MCU: variants seen among roughly 807,000 people sequenced by gnomAD.
The protein encoded by MCU is mitochondrial calcium uniporter.
Under a neutral mutation model 45.2 loss-of-function variants are expected in MCU, and 12 were observed. That is an observed-to-expected ratio of 0.27 (90% CI 0.17 to 0.43). The LOEUF is 0.43. Ranked by LOEUF, MCU falls within the 20% of genes least tolerant of loss-of-function variation. The pLI, the probability that MCU is intolerant of heterozygous loss-of-function variation, is 1.00. For missense variants in MCU, 324 were observed against 436.7 expected (o/e 0.74, Z 2.30); for synonymous variants, 160 against 165.1 (o/e 0.97, Z 0.24).
intron 1 of MCU, among the ~76,000 whole-genome samples, chr10:72,721,973 G>A (rs558907184): frequency 2.0e-5 from 3 of 152,116 alleles, no homozygotes; most frequent in Non-Finnish European, 4.4e-5. Context: ...TCCTTATGGG[G>A]AATGCAACAA....
rs374437412 is a variant in MCU at position 72,698,224 on chromosome 10, A to G, written c.150+5923A>G. On this transcript the variant is annotated intron_variant, in intron 1 of 7. Transcript: ENST00000373053. ...AATTCTTTTCTTTAACATGAAATCT[A>G]AATAGAAAATACAGCATCAAGAGTG... is the stretch of plus-strand genomic sequence containing the variant. Among the ~76,000 whole-genome samples, 10 of 152,354 alleles carry G rather than the reference A, an allele frequency of 6.6e-5. No individual in the cohort carries two copies. The East Asian group carries it at 1.9e-3, about 29-fold the overall frequency.
intron 3 of MCU, among the ~76,000 whole-genome samples, chr10:72,859,561 A>G (rs951400196): frequency 1.3e-5 from 2 of 152,208 alleles, no homozygotes; most frequent in African/African-American, 2.4e-5. Context: ...GCAAATGTGT[A>G]TGCACAGGGA....
At chr10:72,857,475 T>G (rs1420742506) in intron 2 of MCU, among the ~76,000 whole-genome samples, 1 of 152,082 alleles carries the variant, frequency 6.6e-6, no homozygotes, top group Non-Finnish European at 1.5e-5. Flanking sequence ...CTTGACCTCA[T>G]GATCTGCCCA....
At chr10:72,809,746 G>A (rs141178886) in intron 1 of MCU, among the ~76,000 whole-genome samples, 113 of 152,202 alleles carry the variant, frequency 7.4e-4, no homozygotes, top group Middle Eastern at 3.4e-3. Context: ...AAAAAACAAG[G>A]GCAAAGAATA....
chr10:72,795,558 A>T, intron 1 of MCU, among the ~76,000 whole-genome samples: 1 of 152,206 alleles, frequency 6.6e-6, no homozygotes, highest in East Asian at 1.9e-4. Flanking sequence ...AATTTCTGGG[A>T]CTTATATCAG....
At chr10:72,743,035 G>GGA (rs369440946) in intron 1 of MCU, among the ~76,000 whole-genome samples, 1 of 146,976 alleles carries the variant, frequency 6.8e-6, no homozygotes, top group Admixed American at 6.9e-5. Context: ...AGGGTGAGGG[G>GGA]GAGAGAGAGA....
intron 1 of MCU, among the ~76,000 whole-genome samples, chr10:72,741,887 G>T (rs1170518825): frequency 6.6e-6 from 1 of 151,946 alleles, no homozygotes; most frequent in Non-Finnish European, 1.5e-5. Flanking sequence ...AATTAGTCGG[G>T]CATGGTGGCG....
At chr10:72,719,385 C>G (rs772564900) in intron 1 of MCU, among the ~76,000 whole-genome samples, 2 of 152,144 alleles carry the variant, frequency 1.3e-5, no homozygotes, top group Non-Finnish European at 1.5e-5. Flanking sequence ...TTTTGAGATG[C>G]CCCAAAGAAG....
chr10:72,779,927 A>G (rs769475789), intron 1 of MCU, among the ~76,000 whole-genome samples: 28 of 152,186 alleles, frequency 1.8e-4, no homozygotes, highest in Non-Finnish European at 3.1e-4. Context: ...CTACTTGTAA[A>G]TATGTATATA....
chr10:72,873,752 C>T (rs1455213871), intron 6 of MCU, among the ~76,000 whole-genome samples: 1 of 152,144 alleles, frequency 6.6e-6, no homozygotes, highest in African/African-American at 2.4e-5. Flanking sequence ...AGATTGAAGT[C>T]TTTAATACAT....
At chr10:72,739,856 TG>T (rs1475523941) in intron 1 of MCU, among the ~76,000 whole-genome samples, 2 of 151,970 alleles carry the variant, frequency 1.3e-5, no homozygotes, top group Non-Finnish European at 1.5e-5. Flanking sequence ...TTTGTATTTT[TG>T]GTAGAGACAG....
chr10:72,834,510 T>A, intron 2 of MCU, 82 bp downstream of exon 2: 3 of 1,187,114 alleles, frequency 2.5e-6, no homozygotes, highest in Non-Finnish European at 3.7e-6. Context: ...ACACAAAAAT[T>A]TATAAACCAT....
intron 1 of MCU, among the ~76,000 whole-genome samples, chr10:72,778,305 A>G (rs1292769774): frequency 6.6e-6 from 1 of 152,224 alleles, no homozygotes; most frequent in Non-Finnish European, 1.5e-5. Flanking sequence ...AAGGATAAAG[A>G]AAATGTGGTA....
At chr10:72,703,496 T>C (rs1174503626) in intron 1 of MCU, among the ~76,000 whole-genome samples, 1 of 152,192 alleles carries the variant, frequency 6.6e-6, no homozygotes, top group African/African-American at 2.4e-5. Flanking sequence ...TCTGAAGAAA[T>C]TGAAATTTTG....
chr10:72,775,583 A>G (rs1372912697), intron 1 of MCU, among the ~76,000 whole-genome samples: 1 of 152,180 alleles, frequency 6.6e-6, no homozygotes, highest in Non-Finnish European at 1.5e-5. Context: ...CAGAAGAACA[A>G]TGAAACAAGA....
At chr10:72,867,434 C>T (rs184065490) in intron 4 of MCU, among the ~76,000 whole-genome samples, 179 of 152,244 alleles carry the variant, frequency 1.2e-3, no homozygotes, top group African/African-American at 4.1e-3. Flanking sequence ...TTCACCCTTT[C>T]AGTCGTTCTC....
At chr10:72,804,581 T>G (rs994240509) in intron 1 of MCU, among the ~76,000 whole-genome samples, 2 of 152,202 alleles carry the variant, frequency 1.3e-5, no homozygotes, top group African/African-American at 4.8e-5. Flanking sequence ...TAAACCTAAT[T>G]CAGCCTTTTT....
Position 72,884,519 on chromosome 10 carries a change from G to A in MCU, c.978+137G>A, listed in dbSNP as rs543818541. On this transcript the variant is annotated intron_variant, in intron 7 of 7. Coordinates refer to ENST00000373053, the MANE Select transcript of MCU (RefSeq NM_138357.3). Reference sequence around the variant, plus strand: ...TTCTTCCTGTATAAATTATTCCTCAGTTGATTACAGTAACTATTTTAGGCA... The same window carrying A: ...TTCTTCCTGTATAAATTATTCCTCAATTGATTACAGTAACTATTTTAGGCA... 5.1e-6 allele frequency: 3 copies of A among 584,444 alleles called. No individual in the cohort carries two copies. In the South Asian group the frequency reaches 6.9e-5, roughly 13 times the overall value. The allele number at this position is 584,444 out of a possible 1,614,324, so 36.2% of individuals were successfully genotyped here.
At chr10:72,706,541 T>TC (rs1842822132) in intron 1 of MCU, among the ~76,000 whole-genome samples, 1 of 152,074 alleles carries the variant, frequency 6.6e-6, no homozygotes, top group East Asian at 1.9e-4. Context: ...CAGTATCTTC[T>TC]CTTTTTTTTT....
Sources: gnomAD v4.1 joint callset for allele counts (sites outside exome capture counted in the v4.1 genomes callset) on GRCh38, gnomAD v4.1.1 for gene constraint, MANE v1.5 for transcripts, NCBI Gene and HGNC (gene_info 2026-07-23, HGNC 2026-07-21) for gene names.